Variants in FRMD7 observed in about 807,000 individuals in gnomAD.
FRMD7 encodes the protein FERM domain containing 7, also known as FERM domain-containing protein 7.
FRMD7 carries 14 observed loss-of-function variants against 44.1 expected under a neutral mutation model. That is an observed-to-expected ratio of 0.32 (90% CI 0.21 to 0.50). FRMD7 has a LOEUF of 0.50. Ranked by LOEUF, FRMD7 falls within the 20% of genes least tolerant of loss-of-function variation. The probability of loss-of-function intolerance (pLI) is 0.99; values close to 1 mark genes in which losing one functional copy is unlikely to be tolerated. For synonymous variants in FRMD7, 212 were observed against 187.4 expected (o/e 1.13, Z -1.07); for missense variants, 501 against 522.3 (o/e 0.96, Z 0.40).
intron 4 of FRMD7, 96 bp downstream of exon 4, chrX:132,097,170 G>C (rs775728887): frequency 6.7e-5 from 46 of 688,328 alleles, no homozygotes; most frequent in Non-Finnish European, 1.0e-4. Flanking sequence ...TTAAAGCCAA[G>C]TTTTGTGAGA....
At chrX:132,082,314 T>C in intron 9 of FRMD7, 49 bp downstream of exon 9, 2 of 1,068,663 alleles carry the variant, frequency 1.9e-6, no homozygotes, top group East Asian at 6.0e-5. Flanking sequence ...TCCTGTGTTA[T>C]TGAAAAGAAG....
chrX:132,086,087 T>G, intron 5 of FRMD7, 53 bp from the exon 6 acceptor site: 1 of 750,690 alleles, frequency 1.3e-6, no homozygotes, highest in South Asian at 2.1e-5. Flanking sequence ...AACTTAGCAA[T>G]GGAGCATCCA....
chrX:132,095,454 G>A (rs1213516408), intron 4 of FRMD7, among the ~76,000 whole-genome samples: 9 of 111,532 alleles, frequency 8.1e-5, no homozygotes, highest in Non-Finnish European at 1.3e-4. Context: ...CTATAAAAAT[G>A]TGATTTTCTA....
intron 4 of FRMD7, 142 bp from the exon 5 acceptor site, chrX:132,094,281 G>T: frequency 2.1e-6 from 1 of 485,219 alleles, no homozygotes; most frequent in Non-Finnish European, 3.7e-6. Context: ...GGTGAGTAAT[G>T]CATAGGCTTT....
intron 1 of FRMD7, among the ~76,000 whole-genome samples, chrX:132,113,937 C>G (rs866480581): frequency 1.3e-5 from 1 of 76,499 alleles, no homozygotes; most frequent in Non-Finnish European, 2.3e-5. Context: ...AAGTCTCCAA[C>G]CCCCCACTAC....
intron 7 of FRMD7, among the ~76,000 whole-genome samples, chrX:132,084,943 C>T (rs1226223871): frequency 8.9e-6 from 1 of 111,846 alleles, no homozygotes; most frequent in African/African-American, 3.3e-5. Flanking sequence ...ACCCCAATAG[C>T]TCAAACACCT....
At chrX:132,100,460 G>A in intron 2 of FRMD7, 152 bp downstream of exon 2, 1 of 479,149 alleles carries the variant, frequency 2.1e-6, no homozygotes, top group Non-Finnish European at 3.7e-6. Flanking sequence ...CAAAGAGGGA[G>A]GACAAAAACT....
intron 1 of FRMD7, among the ~76,000 whole-genome samples, chrX:132,102,681 T>C (rs1928534858): frequency 8.9e-6 from 1 of 111,967 alleles, no homozygotes; most frequent in Non-Finnish European, 1.9e-5. Context: ...CAGCAATACT[T>C]TTTCCAACAC....
At chrX:132,095,772 G>A (rs1928313579) in intron 4 of FRMD7, among the ~76,000 whole-genome samples, 1 of 112,363 alleles carries the variant, frequency 8.9e-6, no homozygotes, top group African/African-American at 3.2e-5. Context: ...ATGGACCAAT[G>A]GGAAACAAAT....
At chrX:132,083,019 T>C (rs1033404450) in intron 8 of FRMD7, among the ~76,000 whole-genome samples, 5 of 112,034 alleles carry the variant, frequency 4.5e-5, no homozygotes, top group Non-Finnish European at 9.4e-5. Flanking sequence ...GGCATGATCA[T>C]CACTCACTAT....
intron 1 of FRMD7, among the ~76,000 whole-genome samples, chrX:132,110,656 T>A (rs5930548): frequency 9.0e-6 from 1 of 110,944 alleles, no homozygotes; most frequent in Non-Finnish European, 1.9e-5. Flanking sequence ...CTTGCCTCAC[T>A]TACTCTCCAT....
chrX:132,096,937 C>T (rs924739304), intron 4 of FRMD7, among the ~76,000 whole-genome samples: 1 of 111,224 alleles, frequency 9.0e-6, no homozygotes, highest in Non-Finnish European at 1.9e-5. Context: ...GTATTATACC[C>T]GTGCTGTTAA....
At chrX:132,124,625 T>C (rs886612589) in intron 1 of FRMD7, among the ~76,000 whole-genome samples, 2 of 112,066 alleles carry the variant, frequency 1.8e-5, no homozygotes, top group African/African-American at 6.5e-5. Flanking sequence ...AGCACAAATA[T>C]GCAAAGAAAC....
chrX:132,082,734 T>C (rs1348914457), intron 8 of FRMD7, among the ~76,000 whole-genome samples: 1 of 112,025 alleles, frequency 8.9e-6, no homozygotes, highest in Non-Finnish European at 1.9e-5. Flanking sequence ...CAGAGCCTTC[T>C]CTAAGAAGCA....
chrX:132,092,474 T>C (rs184602768), intron 5 of FRMD7, among the ~76,000 whole-genome samples: 1,756 of 112,285 alleles, frequency 0.016, 16 homozygotes, highest in Non-Finnish European at 0.022. Context: ...AGTTGTGTTC[T>C]GCATACTACG....
intron 1 of FRMD7, among the ~76,000 whole-genome samples, chrX:132,119,407 C>CT (rs1011153065): frequency 5.4e-5 from 6 of 111,981 alleles, no homozygotes. Flanking sequence ...GAATCTTTGT[C>CT]TTTTTAAAAG....
At chrX:132,126,227 T>C (rs1038830661) in intron 1 of FRMD7, among the ~76,000 whole-genome samples, 1 of 111,810 alleles carries the variant, frequency 8.9e-6, no homozygotes, top group African/African-American at 3.3e-5. Context: ...GCCAATGCTA[T>C]TGCCTCTCTG....
intron 1 of FRMD7, among the ~76,000 whole-genome samples, chrX:132,127,366 C>G (rs1929180507): frequency 8.9e-6 from 1 of 111,866 alleles, no homozygotes; most frequent in African/African-American, 3.2e-5. Flanking sequence ...CCTTATAACC[C>G]ATAGGTTTTC....
At chrX:132,093,905 TTCTC>T in intron 5 of FRMD7, 133 bp downstream of exon 5, 5 of 516,576 alleles carry the variant, frequency 9.7e-6, no homozygotes, top group Non-Finnish European at 1.7e-5. Flanking sequence ...GCCATGCTGT[TTCTC>T]TCTATCTTAT....
Sources: gnomAD v4.1 joint callset for allele counts (sites outside exome capture counted in the v4.1 genomes callset) on GRCh38, gnomAD v4.1.1 for gene constraint, MANE v1.5 for transcripts, NCBI Gene and HGNC (gene_info 2026-07-23, HGNC 2026-07-21) for gene names.